Variants in PTPN12 observed in about 807,000 individuals in gnomAD.
The protein encoded by PTPN12 is protein tyrosine phosphatase non-receptor type 12.
A neutral mutation model predicts 97.6 loss-of-function variants in PTPN12; 29 were observed. That is an observed-to-expected ratio of 0.30 (90% CI 0.22 to 0.41). The LOEUF is 0.41. PTPN12 is among the 10% of genes least tolerant of loss of function. The probability of loss-of-function intolerance (pLI) is 1.00; values close to 1 mark genes in which losing one functional copy is unlikely to be tolerated. For missense variants in PTPN12, 819 were observed against 926.0 expected (o/e 0.88, Z 1.50); for synonymous variants, 327 against 300.4 (o/e 1.09, Z -0.91).
At chr7:77,541,274 T>C (rs1355459127) in intron 1 of PTPN12, among the ~76,000 whole-genome samples, 1 of 152,126 alleles carries the variant, frequency 6.6e-6, no homozygotes, top group Non-Finnish European at 1.5e-5. Flanking sequence ...GTATTTTTTG[T>C]AGAGACAGGG....
At chr7:77,609,618 C>T (rs1788494648) in intron 9 of PTPN12, among the ~76,000 whole-genome samples, 1 of 151,842 alleles carries the variant, frequency 6.6e-6, no homozygotes, top group Non-Finnish European at 1.5e-5. Context: ...CGGTGGCTCA[C>T]GCCTGTAATC....
chr7:77,597,988 G>GATTAC, intron 7 of PTPN12, 87 bp downstream of exon 7: 1 of 1,523,898 alleles, frequency 6.6e-7, no homozygotes, highest in Non-Finnish European at 8.8e-7. Flanking sequence ...AACACTTTGG[G>GATTAC]AGGCTGAAGT....
In PTPN12 at chr7:77,605,409, G is replaced by GTTTTTTTTTT. The variant is rs751962814; in HGVS notation, c.696-1807_696-1798dup. 9.8e-4 allele frequency among the ~76,000 whole-genome samples: 94 copies of GTTTTTTTTTT among 95,534 alleles called. 7 individuals are homozygous for GTTTTTTTTTT. Among genetic ancestry groups the GTTTTTTTTTT allele is most frequent in the African/African-American group, 3.2e-3 (77 of 24,234 alleles). 62.7% of individuals were successfully genotyped at this position (95,534 alleles called of 152,430 possible). A position where few individuals can be genotyped will look rare whatever the true frequency, so the allele number is the denominator to read the frequency against. On this transcript the variant is annotated intron_variant, in intron 8 of 17. Coordinates refer to ENST00000248594, the MANE Select transcript of PTPN12 (RefSeq NM_002835.4). ...TTACTTTAAAATACTTTTGTCATGA[G>GTTTTTTTTTT]TTTTTTTTTTTTTTTTTTTTTTTTT...
chr7:77,638,952 G>C, intron 17 of PTPN12: 1 of 830,986 alleles, frequency 1.2e-6, no homozygotes, highest in Non-Finnish European at 1.7e-6. Context: ...GTGTTGGAAA[G>C]ACTAAATTAT....
chr7:77,544,339 C>T (rs1033430564), intron 1 of PTPN12, among the ~76,000 whole-genome samples: 1 of 152,158 alleles, frequency 6.6e-6, no homozygotes, highest in Non-Finnish European at 1.5e-5. Context: ...TACCCAGTGC[C>T]ACTGGTTTAG....
intron 14 of PTPN12, among the ~76,000 whole-genome samples, chr7:77,633,362 C>T (rs1241170989): frequency 6.6e-6 from 1 of 152,106 alleles, no homozygotes; most frequent in African/African-American, 2.4e-5. Context: ...GTAATCCTGC[C>T]ACTTTGGGAG....
rs183952704 is a variant in PTPN12 at position 77,580,638 on chromosome 7, A to G, written c.209-789A>G. Among the ~76,000 whole-genome samples, 178 of 152,292 alleles carry G rather than the reference A, an allele frequency of 1.2e-3. 1 individual carries two copies. Among genetic ancestry groups the G allele is most frequent in the African/African-American group, 4.1e-3 (172 of 41,580 alleles). On this transcript the variant is annotated intron_variant, in intron 2 of 17. Transcript: ENST00000248594. ...AATTATATACATATTCCTTTAAAAG[A>G]AATCAATAAAAACTTAAAAGAAAAA...
At chr7:77,563,095 TTAC>T (rs1808074356) in intron 1 of PTPN12, among the ~76,000 whole-genome samples, 1 of 152,210 alleles carries the variant, frequency 6.6e-6, no homozygotes, top group Admixed American at 6.5e-5. Context: ...TCAAGGACTA[TTAC>T]TACATGCATT....
chr7:77,540,165 T>C (rs1806886113), intron 1 of PTPN12, among the ~76,000 whole-genome samples: 1 of 152,044 alleles, frequency 6.6e-6, no homozygotes, highest in Admixed American at 6.5e-5. Flanking sequence ...ACTGGAGAAG[T>C]GGCCTTAGGG....
chr7:77,626,977 A>G lies in PTPN12; in HGVS notation c.1298A>G (p.Asn433Ser). The change falls in exon 13 of 18, where the codon AAT becomes AGT. Residue 433 changes from asparagine (N) to serine (S), a missense_variant. Asn to Ser is a conservative substitution (Grantham distance 46). This residue lies in a region of PTPN12 where 607 missense variants were observed against 577.3 expected (regional missense o/e 1.05). Coordinates refer to ENST00000248594, the MANE Select transcript of PTPN12 (RefSeq NM_002835.4). ...CAGATAGATAAAAAATTGGAACGAAATTTAAGTTTTGAGATTAAGAAGGTC... is the reference window on the plus strand; with the variant it reads ...CAGATAGATAAAAAATTGGAACGAAGTTTAAGTTTTGAGATTAAGAAGGTC... ...IEQIDKKLERNLSFEIKKVPL... is the reference protein window; with the variant it reads ...IEQIDKKLERSLSFEIKKVPL... 6.2e-7 allele frequency: 1 copy of G among 1,609,976 alleles called. No individual in the cohort carries two copies. The highest frequency in any genetic ancestry group is 8.5e-7 in the Non-Finnish European group (1 of 1,178,822).
chr7:77,585,386 A>G (rs1160352339), intron 4 of PTPN12, 157 bp from the exon 5 acceptor site: 1 of 547,474 alleles, frequency 1.8e-6, no homozygotes, highest in Non-Finnish European at 3.2e-6. Flanking sequence ...TAATTTTGAT[A>G]ATTTCTTTAA....
In PTPN12 at chr7:77,611,004, A is replaced by G. The variant is rs1243160161; in HGVS notation, c.897A>G (p.Gln299=). The G allele has an allele frequency of 6.2e-7, 1 of 1,613,310 alleles. No homozygotes were observed. The highest frequency in any genetic ancestry group is 8.5e-7 in the Non-Finnish European group (1 of 1,179,688). ...AIAQLFEKQL[Q]LYEIHGAQKI... is the part of the protein sequence containing the mutation. ...CCCAACTGTTTGAAAAACAGCTACA[A>G]CTATATGAAATTCATGGAGCTCAGA... Residue 299 remains glutamine, a synonymous_variant, in exon 11 of 18, where the codon CAA becomes CAG. Transcript: ENST00000248594.
chr7:77,616,629 T>A (rs1323877798), intron 11 of PTPN12, among the ~76,000 whole-genome samples: 1 of 152,252 alleles, frequency 6.6e-6, no homozygotes, highest in Admixed American at 6.5e-5. Context: ...TTTTGTATGT[T>A]AGAAACAGTT....
intron 11 of PTPN12, among the ~76,000 whole-genome samples, chr7:77,613,614 G>A (rs1361354425): frequency 6.6e-6 from 1 of 152,026 alleles, no homozygotes; most frequent in Non-Finnish European, 1.5e-5. Context: ...AGCACTTTGG[G>A]AGGCCGAAGC....
In PTPN12 at chr7:77,638,560, A is replaced by T; in HGVS notation, c.2174-64A>T. 2.9e-6 allele frequency: 4 copies of T among 1,392,896 alleles called. 1 individual carries two copies. Among genetic ancestry groups the T allele is most frequent in the Non-Finnish European group, 2.8e-6 (3 of 1,068,746 alleles). The allele number at this position is 1,392,896 out of a possible 1,614,324, so 86.3% of individuals were successfully genotyped here. ...TGCTTGCCAACATTTAAAAAATTAA[A>T]GAGTTATATATATATGATGCTACAA... On this transcript the variant is annotated intron_variant, in intron 16 of 17. Transcript: ENST00000248594.
rs561931995 is a variant in PTPN12 at position 77,625,541 on chromosome 7, C to T, written c.1026-1164C>T. On this transcript the variant is annotated intron_variant, in intron 12 of 17. Transcript: ENST00000248594. ...TCTCTCTCACTCTCACTCTCACTCG[C>T]GCTCTCTCTCTCGCTCTCTCTCTCT... Among the ~76,000 whole-genome samples the T allele has an allele frequency of 1.9e-5, 2 of 106,634 alleles. 1 individual carries two copies. Among genetic ancestry groups the T allele is most frequent in the Non-Finnish European group, 3.7e-5 (2 of 53,380 alleles). The allele number at this position is 106,634 out of a possible 152,430, so 70.0% of individuals were successfully genotyped here.
chr7:77,549,164 G>C (rs1807359462), intron 1 of PTPN12, among the ~76,000 whole-genome samples: 1 of 152,094 alleles, frequency 6.6e-6, no homozygotes, highest in African/African-American at 2.4e-5. Context: ...ATTCATATGT[G>C]TATGGAAGGA....
intron 1 of PTPN12, among the ~76,000 whole-genome samples, chr7:77,557,058 G>A (rs1438623801): frequency 1.3e-5 from 2 of 151,816 alleles, no homozygotes; most frequent in Admixed American, 6.6e-5. Context: ...CCTCAACCTC[G>A]TGGCCTCATG....
intron 1 of PTPN12, among the ~76,000 whole-genome samples, chr7:77,551,374 T>G (rs1807472228): frequency 1.3e-5 from 2 of 152,234 alleles, no homozygotes; most frequent in African/African-American, 4.8e-5. Context: ...AAAGCTCTGC[T>G]CTTGTCTGTA....
Sources: gnomAD v4.1 joint callset for allele counts (sites outside exome capture counted in the v4.1 genomes callset) on GRCh38, gnomAD v4.1.1 for gene constraint, gnomAD v4.1.1 regional missense constraint, MANE v1.5 for transcripts, NCBI Gene and HGNC (gene_info 2026-07-23, HGNC 2026-07-21) for gene names.